MAP3K10: variants seen among roughly 807,000 people sequenced by gnomAD.
MAP3K10 encodes the protein MKN28 derived nonreceptor_type serine/threonine kinase.
A neutral mutation model predicts 75.0 loss-of-function variants in MAP3K10; 22 were observed. The ratio of observed to expected loss-of-function variants is 0.29; its 90% CI spans 0.21 to 0.42. MAP3K10 has a LOEUF of 0.42. MAP3K10 is among the 10% of genes least tolerant of loss of function. The pLI, the probability that MAP3K10 is intolerant of heterozygous loss-of-function variation, is 1.00. For missense variants in MAP3K10, 1,165 were observed against 1,379.8 expected, an observed-to-expected ratio of 0.84 and a Z score of 2.47; for synonymous variants, 599 against 612.9, an observed-to-expected ratio of 0.98 and a Z score of 0.34.
intron 2 of MAP3K10, among the ~76,000 whole-genome samples, chr19:40,203,690 C>T (rs888653794): frequency 1.3e-5 from 2 of 152,190 alleles, no homozygotes; most frequent in South Asian, 2.1e-4. Flanking sequence ...TGAGGATTAC[C>T]GAGTGCCTAG....
chr19:40,214,025 G>GCCCCCCC lies in MAP3K10; in HGVS notation c.2349_2350insCCCCCCC (p.Thr784ProfsTer70). 1.0e-6 allele frequency: 1 copy of GCCCCCCC among 976,532 alleles called. No individual in the cohort carries two copies. The highest frequency in any genetic ancestry group is 5.1e-5 in the East Asian group (1 of 19,460). 60.5% of individuals were successfully genotyped at this position (976,532 alleles called of 1,614,324 possible). On this transcript the variant is annotated frameshift_variant, in exon 9 of 10. Coordinates refer to ENST00000253055, the MANE Select transcript of MAP3K10 (RefSeq NM_002446.4). LOFTEE classifies it high-confidence loss of function. Reference sequence around the variant, plus strand: ...CCTCCCCACCACCCTCCCCGCCCGCGCCCACACCCACGCCCTCGCCCAGCA... The same window carrying GCCCCCCC: ...CCTCCCCACCACCCTCCCCGCCCGCGCCCCCCCCCCACACCCACGCCCTCGCCCAGCA...
At chr19:40,201,167 G>GTTTTTTTTT (rs986113003) in intron 2 of MAP3K10, among the ~76,000 whole-genome samples, 5 of 146,776 alleles carry the variant, frequency 3.4e-5, no homozygotes, top group African/African-American at 1.3e-4. Flanking sequence ...GAGCTCCAGC[G>GTTTTTTTTT]TTTTTTGTTT....
chr19:40,209,541 T>A (rs1973196180), intron 6 of MAP3K10, among the ~76,000 whole-genome samples: 1 of 151,756 alleles, frequency 6.6e-6, no homozygotes, highest in Non-Finnish European at 1.5e-5. Flanking sequence ...GCCTCCCGAG[T>A]AGCTGTGGTT....
At position 40,192,066 on chromosome 19, in the gene MAP3K10, G is replaced by T. The variant is rs1389446584; in HGVS notation, c.35G>T (p.Trp12Leu). 6.8e-7 allele frequency: 1 copy of T among 1,475,794 alleles called. No homozygotes were observed. 91.4% of individuals were successfully genotyped at this position (1,475,794 alleles called of 1,614,324 possible). ...GAGGAGGGGGCGGTGGCCAAGGAGT[G>T]GGGCACGACCCCCGCGGGGCCCGTC... Reference protein sequence around the residue: ...EEEEGAVAKEWGTTPAGPVWT... With the variant: ...EEEEGAVAKELGTTPAGPVWT... The change falls in exon 1 of 10, where the codon TGG becomes TTG. Residue 12 changes from tryptophan (W) to leucine (L), a missense_variant. Coordinates refer to ENST00000253055, the MANE Select transcript of MAP3K10 (RefSeq NM_002446.4). The surrounding 1 kb of genome is among the most constrained non-coding windows in gnomAD (Gnocchi z 7.1).
Position 40,213,350 on chromosome 19 carries a change from G to A in MAP3K10, c.1837+162G>A, listed in dbSNP as rs556060914. ...GGGGCGTGGGGGGTCATTTCCAGGG[G>A]CAGGGACCACCCTTCTCTGAGGCTT... On this transcript the variant is annotated intron_variant, in intron 8 of 9. Transcript: ENST00000253055. The surrounding 1 kb of genome is among the most constrained non-coding windows in gnomAD (Gnocchi z 5.7). 4.7e-5 allele frequency: 68 copies of A among 1,453,662 alleles called. No individual in the cohort carries two copies. The South Asian group carries it at 9.1e-4, about 20-fold the overall frequency. 90.0% of individuals were successfully genotyped at this position (1,453,662 alleles called of 1,614,324 possible). A position where few individuals can be genotyped will look rare whatever the true frequency, so the allele number is the denominator to read the frequency against.
At chr19:40,199,168 A>G (rs113889858) in intron 2 of MAP3K10, among the ~76,000 whole-genome samples, 78 of 152,334 alleles carry the variant, frequency 5.1e-4, no homozygotes, top group African/African-American at 1.8e-3. Flanking sequence ...TCTGTCAGAC[A>G]GGAAAATGAT....
chr19:40,202,121 A>G (rs1293186697), intron 2 of MAP3K10, among the ~76,000 whole-genome samples: 2 of 152,094 alleles, frequency 1.3e-5, no homozygotes, highest in Admixed American at 6.5e-5. Flanking sequence ...GCTCACTGCA[A>G]GCTCCGCCTC....
chr19:40,206,296 A>G (rs1409464935), intron 5 of MAP3K10, 139 bp downstream of exon 5: 1 of 1,061,650 alleles, frequency 9.4e-7, no homozygotes, highest in Non-Finnish European at 1.3e-6. Flanking sequence ...AGCCCAGTGC[A>G]GTGGCGAGCA....
chr19:40,204,830 C>T lies in MAP3K10; in HGVS notation c.1012+197C>T, dbSNP rs1973086930. 4.3e-6 allele frequency: 3 copies of T among 693,168 alleles called. No individual in the cohort carries two copies. The highest frequency in any genetic ancestry group is 7.1e-6 in the Non-Finnish European group (3 of 423,392). The allele number at this position is 693,168 out of a possible 1,614,324, so 42.9% of individuals were successfully genotyped here. On this transcript the variant is annotated intron_variant, in intron 3 of 9. Transcript: ENST00000253055. The surrounding 1 kb of genome is among the most constrained non-coding windows in gnomAD (Gnocchi z 4.3). ...CATCCCAGCCCTTGTTTGGGCCAGG[C>T]CCAGAGCTCTCAGGACAACCTGTTA... is the stretch of plus-strand genomic sequence containing the variant.
rs758336298 is a variant in MAP3K10 at position 40,214,138 on chromosome 19, C to T, written c.2459C>T (p.Ala820Val). 6.5e-7 allele frequency: 1 copy of T among 1,549,768 alleles called. No homozygotes were observed. Among genetic ancestry groups the T allele is most frequent in the Non-Finnish European group, 8.6e-7 (1 of 1,157,060 alleles). The change falls in exon 9 of 10, where the codon GCT becomes GTT. Residue 820 changes from alanine to valine, a missense_variant. Ala to Val is a moderately conservative substitution (Grantham distance 64). This residue lies in a region of MAP3K10 where 590 missense variants were observed against 586.6 expected (regional missense o/e 1.01). Transcript: ENST00000253055. ...LTPTHVTAACAVSRGHRRTPS... is the reference protein window; with the variant it reads ...LTPTHVTAACVVSRGHRRTPS... Reference sequence around the variant, plus strand: ...CCCACCCACGTCACGGCTGCATGCGCTGTGAGCCGCGGGCACCGGCGGACG... The same window carrying T: ...CCCACCCACGTCACGGCTGCATGCGTTGTGAGCCGCGGGCACCGGCGGACG...
chr19:40,212,670 A>T lies in MAP3K10; in HGVS notation c.1553-135A>T. The T allele has an allele frequency of 9.4e-7, 1 of 1,067,264 alleles. No individual in the cohort carries two copies. 66.1% of individuals were successfully genotyped at this position (1,067,264 alleles called of 1,614,324 possible). A position where few individuals can be genotyped will look rare whatever the true frequency, so the allele number is the denominator to read the frequency against. ...GGCTATGGGGAGATATATAGCAGGG[A>T]GGGTCATGACTGGAGTTCAAAAGAG... On this transcript the variant is annotated intron_variant, in intron 6 of 9. Coordinates refer to ENST00000253055, the MANE Select transcript of MAP3K10 (RefSeq NM_002446.4). This position sits in a 1 kb window ranked among gnomAD's most constrained non-coding sequence, Gnocchi z 4.2.
Position 40,204,921 on chromosome 19 carries a change from G to C in MAP3K10, c.1013-200G>C. The C allele has an allele frequency of 3.2e-6, 2 of 632,914 alleles. No homozygotes were observed. The highest frequency in any genetic ancestry group is 5.5e-6 in the Non-Finnish European group (2 of 363,356). The allele number at this position is 632,914 out of a possible 1,614,324, so 39.2% of individuals were successfully genotyped here. On this transcript the variant is annotated intron_variant, in intron 3 of 9. Transcript: ENST00000253055. This position sits in a 1 kb window ranked among gnomAD's most constrained non-coding sequence, Gnocchi z 4.3. ...ACTACCAGCCCCTCCTCGGGGTGCA[G>C]GTCCCAGGGTTTCTCTCCCAGCGTT...
chr19:40,202,041 C>T (rs1031669458), intron 2 of MAP3K10, among the ~76,000 whole-genome samples: 2 of 151,436 alleles, frequency 1.3e-5, no homozygotes, highest in East Asian at 1.9e-4. Flanking sequence ...AAAATGGCAC[C>T]CCTTCTTTTT....
rs1465113569 is a variant in MAP3K10, at chr19:40,192,047, G to A, written c.16G>A (p.Gly6Arg). 6.9e-7 allele frequency: 1 copy of A among 1,443,328 alleles called. No individual in the cohort carries two copies. The highest frequency in any genetic ancestry group is 9.1e-7 in the Non-Finnish European group (1 of 1,100,422). The allele number at this position is 1,443,328 out of a possible 1,614,324, so 89.4% of individuals were successfully genotyped here. Residue 6 changes from glycine (G) to arginine (R), a missense_variant, in exon 1 of 10, where the codon GGG becomes AGG. Gly to Arg is a moderately radical substitution (Grantham distance 125). Coordinates refer to ENST00000253055, the MANE Select transcript of MAP3K10 (RefSeq NM_002446.4). This position sits in a 1 kb window ranked among gnomAD's most constrained non-coding sequence, Gnocchi z 7.1. Reference sequence around the variant, plus strand: ...CCCCTCCCCCATGGAGGAGGAGGAGGGGGCGGTGGCCAAGGAGTGGGGCAC... The same window carrying A: ...CCCCTCCCCCATGGAGGAGGAGGAGAGGGCGGTGGCCAAGGAGTGGGGCAC... MEEEE[G>R]AVAKEWGTTP...
rs201560595 is a variant in MAP3K10, at chr19:40,214,052, C to T, written c.2373C>T (p.Thr791=). The T allele has an allele frequency of 2.1e-4, 319 of 1,540,950 alleles. No homozygotes were observed. The highest frequency in any genetic ancestry group is 2.7e-4 in the Non-Finnish European group (310 of 1,150,498). ...CCACACCCACGCCCTCGCCCAGCAC[C>T]AACCCCCTGGTGGACCTGGAGCTGG... ...PAPTPTPSPS[T]NPLVDLELES... is the part of the protein sequence containing the mutation. The change falls in exon 9 of 10, where the codon ACC becomes ACT. Residue 791 remains threonine, a synonymous_variant. Coordinates refer to ENST00000253055, the MANE Select transcript of MAP3K10 (RefSeq NM_002446.4).
rs1172089131 is a variant in MAP3K10, at chr19:40,213,331, T to TG, written c.1837+149dup. On this transcript the variant is annotated intron_variant, in intron 8 of 9. Transcript: ENST00000253055. This position sits in a 1 kb window ranked among gnomAD's most constrained non-coding sequence, Gnocchi z 5.7. ...AAGGGAGATGGTGGCCCCTGGGGCG[T>TG]GGGGGGTCATTTCCAGGGGCAGGGA... 2.0e-5 allele frequency: 29 copies of TG among 1,450,250 alleles called. No homozygotes were observed. The highest frequency in any genetic ancestry group is 2.9e-5 in the African/African-American group (2 of 70,044). The allele number at this position is 1,450,250 out of a possible 1,614,324, so 89.8% of individuals were successfully genotyped here.
Position 40,213,337 on chromosome 19 carries a change from G to A in MAP3K10, c.1837+149G>A, listed in dbSNP as rs1163064214. On this transcript the variant is annotated intron_variant, in intron 8 of 9. Transcript: ENST00000253055. This position sits in a 1 kb window ranked among gnomAD's most constrained non-coding sequence, Gnocchi z 5.7. The stretch of plus-strand genomic sequence containing the variant: ...GATGGTGGCCCCTGGGGCGTGGGGG[G>A]TCATTTCCAGGGGCAGGGACCACCC... 4.8e-6 allele frequency: 7 copies of A among 1,449,680 alleles called. No homozygotes were observed. The highest frequency in any genetic ancestry group is 5.2e-5 in the Admixed American group (2 of 38,152). 89.8% of individuals were successfully genotyped at this position (1,449,680 alleles called of 1,614,324 possible).
intron 2 of MAP3K10, among the ~76,000 whole-genome samples, chr19:40,201,854 G>A (rs973003671): frequency 6.7e-6 from 1 of 148,482 alleles, no homozygotes; most frequent in African/African-American, 2.5e-5. Context: ...AACGTGCAGG[G>A]TTTGTTACAT....
At chr19:40,214,285 C>G in intron 9 of MAP3K10, 64 bp downstream of exon 9, 1 of 1,359,586 alleles carries the variant, frequency 7.4e-7, no homozygotes, top group South Asian at 1.7e-5. Flanking sequence ...GCCAGGGTCG[C>G]AAGTCCAGCC....
Sources: gnomAD v4.1 joint callset for allele counts (sites outside exome capture counted in the v4.1 genomes callset) on GRCh38, gnomAD v4.1.1 for gene constraint, gnomAD v4.1.1 regional missense constraint, Gnocchi (gnomAD v3.1) non-coding constraint, MANE v1.5 for transcripts, NCBI Gene and HGNC (gene_info 2026-07-23, HGNC 2026-07-21) for gene names.